STXBP3: variants seen among roughly 807,000 people sequenced by gnomAD.
STXBP3 encodes the protein syntaxin binding protein 3, also known as syntaxin-binding protein 3.
STXBP3 carries 41 observed loss-of-function variants against 85.7 expected under a neutral mutation model. The ratio of observed to expected loss-of-function variants is 0.48; its 90% CI spans 0.37 to 0.62. STXBP3 has a LOEUF of 0.62. Among genes scored for constraint, STXBP3 ranks in the 20% least tolerant of loss-of-function variants. The pLI is 0.00. For synonymous variants in STXBP3, 229 were observed against 231.7 expected (o/e 0.99, Z 0.10); for missense variants, 563 against 703.1 (o/e 0.80, Z 2.25).
chr1:108,778,675 GCTA>G (rs1464427196), intron 8 of STXBP3, among the ~76,000 whole-genome samples: 3 of 89,238 alleles, frequency 3.4e-5, no homozygotes, highest in Non-Finnish European at 7.7e-5. Context: ...TCAAATAGTA[GCTA>G]CTATTCATAA....
chr1:108,760,865 A>G (rs1414036308), intron 6 of STXBP3, among the ~76,000 whole-genome samples: 1 of 152,078 alleles, frequency 6.6e-6, no homozygotes, highest in African/African-American at 2.4e-5. Context: ...AGGGATTTCT[A>G]CTATATTACT....
At chr1:108,802,778 C>T (rs150731422) in intron 17 of STXBP3, among the ~76,000 whole-genome samples, 404 of 152,292 alleles carry the variant, frequency 2.7e-3, no homozygotes, top group African/African-American at 9.4e-3. Context: ...CTCCTGACCA[C>T]CTTATTCTGC....
At chr1:108,762,491 CT>C (rs997545795) in intron 6 of STXBP3, among the ~76,000 whole-genome samples, 4 of 145,384 alleles carry the variant, frequency 2.8e-5, no homozygotes, top group African/African-American at 5.2e-5. Flanking sequence ...ACTGTTATAT[CT>C]TTTTTTTAAT....
chr1:108,752,329 TTATAAAAA>T, intron 2 of STXBP3, 23 bp downstream of exon 2: 1 of 1,606,246 alleles, frequency 6.2e-7, no homozygotes, highest in Non-Finnish European at 8.5e-7. Context: ...TACCTTGCTC[TTATAAAAA>T]ATAATACAAA....
intron 11 of STXBP3, among the ~76,000 whole-genome samples, chr1:108,792,518 T>C (rs1457926230): frequency 6.6e-6 from 1 of 152,216 alleles, no homozygotes; most frequent in African/African-American, 2.4e-5. Context: ...TTGGGGACAT[T>C]TCCAATCTTT....
chr1:108,767,179 G>T, intron 6 of STXBP3: 1 of 252,656 alleles, frequency 4.0e-6, no homozygotes, highest in South Asian at 4.3e-5. Context: ...GGGTCTGTCT[G>T]ACCCCATTCA....
chr1:108,752,123 T>G, intron 1 of STXBP3, 134 bp from the exon 2 acceptor site: 5 of 741,166 alleles, frequency 6.7e-6, no homozygotes, highest in Non-Finnish European at 1.1e-5. Context: ...TTCCGTAAGG[T>G]TTAACAAATA....
At chr1:108,794,956 A>T in intron 13 of STXBP3, 49 bp downstream of exon 13, 1 of 1,496,830 alleles carries the variant, frequency 6.7e-7, no homozygotes, top group Non-Finnish European at 9.1e-7. Flanking sequence ...TTTCAAGGAT[A>T]AACTTTGTAA....
At chr1:108,756,385 C>A (rs1662017753) in intron 3 of STXBP3, among the ~76,000 whole-genome samples, 1 of 151,744 alleles carries the variant, frequency 6.6e-6, no homozygotes, top group African/African-American at 2.4e-5. Flanking sequence ...AAAATACTTG[C>A]AAGGTTATTA....
chr1:108,785,233 C>T (rs1259444533), intron 11 of STXBP3, among the ~76,000 whole-genome samples: 2 of 152,196 alleles, frequency 1.3e-5, no homozygotes, highest in African/African-American at 4.8e-5. Flanking sequence ...GGCTCCATCC[C>T]TGCAGCGAAC....
At chr1:108,783,570 T>G (rs1013768466) in intron 11 of STXBP3, among the ~76,000 whole-genome samples, 2 of 152,206 alleles carry the variant, frequency 1.3e-5, no homozygotes, top group African/African-American at 2.4e-5. Flanking sequence ...CTCCTTTTGA[T>G]GGACATTTAG....
intron 13 of STXBP3, 143 bp downstream of exon 13, chr1:108,795,050 A>G: frequency 3.3e-6 from 2 of 612,524 alleles, no homozygotes; most frequent in South Asian, 4.4e-5. Flanking sequence ...CCACCTAGGC[A>G]GTATTTAATG....
At chr1:108,798,094 A>G (rs1452615474) in intron 15 of STXBP3, 51 bp from the exon 16 acceptor site, 1 of 1,366,858 alleles carries the variant, frequency 7.3e-7, no homozygotes, top group Non-Finnish European at 1.0e-6. Flanking sequence ...TAAGAGTATT[A>G]TATTTGAATA....
At chr1:108,770,977 A>T (rs2101114379) in intron 6 of STXBP3, among the ~76,000 whole-genome samples, 3 of 152,260 alleles carry the variant, frequency 2.0e-5, no homozygotes, top group Admixed American at 2.0e-4. Context: ...TAAAGAACGG[A>T]AGACATGTAT....
At chr1:108,793,162 T>TTTTTC (rs1404529063) in intron 11 of STXBP3, among the ~76,000 whole-genome samples, 20 of 142,172 alleles carry the variant, frequency 1.4e-4, no homozygotes, top group Admixed American at 7.2e-4. Flanking sequence ...TCTCCATTTT[T>TTTTTC]TTTTTTTTTT....
At chr1:108,766,473 T>G (rs1643490140) in intron 6 of STXBP3, among the ~76,000 whole-genome samples, 1 of 152,178 alleles carries the variant, frequency 6.6e-6, no homozygotes, top group South Asian at 2.1e-4. Context: ...ACATATACGT[T>G]ACATTTGTGC....
chr1:108,753,878 C>G (rs1313154775), intron 3 of STXBP3, among the ~76,000 whole-genome samples: 1 of 151,974 alleles, frequency 6.6e-6, no homozygotes, highest in African/African-American at 2.4e-5. Flanking sequence ...ATCTGAGGCT[C>G]CAAGTGAAAT....
At chr1:108,772,431 A>T (rs1438119844) in intron 6 of STXBP3, among the ~76,000 whole-genome samples, 1 of 132,422 alleles carries the variant, frequency 7.6e-6, no homozygotes, top group African/African-American at 3.0e-5. Context: ...ATAAATACAT[A>T]TGATATCTAT....
chr1:108,765,960 T>C (rs1662256740), intron 6 of STXBP3, among the ~76,000 whole-genome samples: 1 of 151,396 alleles, frequency 6.6e-6, no homozygotes, highest in Non-Finnish European at 1.5e-5. Context: ...TCAAGCGATT[T>C]TCCTGATTCA....
Sources: gnomAD v4.1 joint callset for allele counts (sites outside exome capture counted in the v4.1 genomes callset) on GRCh38, gnomAD v4.1.1 for gene constraint, MANE v1.5 for transcripts, NCBI Gene and HGNC (gene_info 2026-07-23, HGNC 2026-07-21) for gene names.